The following SNX9 variants were observed in gnomAD, a reference collection of about 807,000 sequenced individuals.
SNX9 encodes sorting nexin 9.
In SNX9, 44 loss-of-function variants were observed where a neutral mutation model predicts 89.4. The observed-to-expected ratio is 0.49, with a 90% CI of 0.39 to 0.63. SNX9 has a LOEUF of 0.63. SNX9 is among the 30% of genes least tolerant of loss of function. The pLI, the probability that SNX9 is intolerant of heterozygous loss-of-function variation, is 0.00. For synonymous variants in SNX9, 236 were observed against 247.8 expected, an observed-to-expected ratio of 0.95 and a Z score of 0.45; for missense variants, 578 against 736.1, an observed-to-expected ratio of 0.79 and a Z score of 2.49.
In SNX9 at chr6:157,944,276, AAATCAAATG is replaced by A. The variant is rs1165109884; in HGVS notation, c.*1442_*1450del. ...AAATGACACCAAAAATAAGTAGATGAAATCAAATGAATATGAGAACATCTTGTTCTTCAA... is the reference window on the plus strand; with the variant it reads ...AAATGACACCAAAAATAAGTAGATGAAATATGAGAACATCTTGTTCTTCAA... On this transcript the variant is annotated 3_prime_UTR_variant, in exon 18 of 18. Transcript: ENST00000392185. The A allele has an allele frequency of 2.0e-5, 3 of 152,648 alleles. No individual in the cohort carries two copies. In the East Asian group the frequency reaches 5.8e-4, roughly 29 times the overall value. 9.5% of individuals were successfully genotyped at this position (152,648 alleles called of 1,614,324 possible). A position where few individuals can be genotyped will look rare whatever the true frequency, so the allele number is the denominator to read the frequency against.
At chr6:157,935,914 AAAG>A (rs1783914164) in intron 13 of SNX9, 47 bp from the exon 14 acceptor site, 2 of 1,342,698 alleles carry the variant, frequency 1.5e-6, no homozygotes, top group Non-Finnish European at 2.0e-6. Flanking sequence ...TAACAAGTGA[AAAG>A]AAAATATGCA....
chr6:157,839,556 A>G (rs957668530), intron 1 of SNX9, among the ~76,000 whole-genome samples: 1 of 152,254 alleles, frequency 6.6e-6, no homozygotes, highest in African/African-American at 2.4e-5. Context: ...TCAGGTGTGA[A>G]TTCCATTGCA....
chr6:157,903,251 C>T (rs570631918), intron 6 of SNX9, among the ~76,000 whole-genome samples: 97 of 152,030 alleles, frequency 6.4e-4, no homozygotes, highest in African/African-American at 2.1e-3. Flanking sequence ...TAATCTGTGT[C>T]TGGAAAAATT....
chr6:157,896,903 G>C lies in SNX9; in HGVS notation c.377G>C (p.Gly126Ala). ...SGNWESSEGWGAQPEGAGAQR... is the reference protein window; with the variant it reads ...SGNWESSEGWAAQPEGAGAQR... ...AACTGGGAAAGCTCAGAAGGCTGGGGGGCCCAGCCAGAGGGGGCTGGAGCC... is the reference window on the plus strand; with the variant it reads ...AACTGGGAAAGCTCAGAAGGCTGGGCGGCCCAGCCAGAGGGGGCTGGAGCC... The change falls in exon 5 of 18, where the codon GGG becomes GCG. Residue 126 changes from glycine to alanine, a missense_variant. This residue lies in a region of SNX9 where 230 missense variants were observed against 244.7 expected (regional missense o/e 0.94). Coordinates refer to ENST00000392185, the MANE Select transcript of SNX9 (RefSeq NM_016224.5). 1 of 1,613,488 alleles carries C rather than the reference G, an allele frequency of 6.2e-7. No individual in the cohort carries two copies. Among genetic ancestry groups the C allele is most frequent in the Admixed American group, 1.7e-5 (1 of 59,786 alleles).
intron 4 of SNX9, among the ~76,000 whole-genome samples, chr6:157,882,052 A>G (rs1175792747): frequency 6.6e-6 from 1 of 152,240 alleles, no homozygotes; most frequent in African/African-American, 2.4e-5. Flanking sequence ...AGGGGAAGCC[A>G]GTGCCTGCTT....
chr6:157,886,326 A>G (rs1782735677), intron 4 of SNX9, among the ~76,000 whole-genome samples: 5 of 152,204 alleles, frequency 3.3e-5, no homozygotes, highest in Admixed American at 3.3e-4. Flanking sequence ...AGAAACTACT[A>G]TTTTTGTGGT....
intron 1 of SNX9, among the ~76,000 whole-genome samples, chr6:157,845,409 C>T (rs1172809388): frequency 6.6e-6 from 1 of 152,164 alleles, no homozygotes; most frequent in Non-Finnish European, 1.5e-5. Context: ...CCGTGCCCGG[C>T]CCCATTTGTC....
At chr6:157,932,171 C>A in intron 12 of SNX9, 24 bp from the exon 13 acceptor site, 2 of 1,604,664 alleles carry the variant, frequency 1.2e-6, no homozygotes, top group African/African-American at 1.3e-5. Flanking sequence ...GAAGACTAAT[C>A]GTTTATTCCT....
chr6:157,923,983 A>C (rs117721194), intron 10 of SNX9, among the ~76,000 whole-genome samples: 3,268 of 152,272 alleles, frequency 0.021, 53 homozygotes, highest in Non-Finnish European at 0.035. Flanking sequence ...GGATCACTTG[A>C]GGTCAAGAGT....
At chr6:157,879,108 A>C (rs1270172092) in intron 4 of SNX9, among the ~76,000 whole-genome samples, 1 of 152,208 alleles carries the variant, frequency 6.6e-6, no homozygotes, top group African/African-American at 2.4e-5. Flanking sequence ...CTGGTTCGGT[A>C]ATGTATATGA....
chr6:157,934,592 A>G (rs1402634048), intron 13 of SNX9, among the ~76,000 whole-genome samples: 1 of 152,200 alleles, frequency 6.6e-6, no homozygotes, highest in Non-Finnish European at 1.5e-5. Context: ...TTTTCACTAA[A>G]CATGTAGTCA....
At chr6:157,859,652 A>T (rs983278069) in intron 1 of SNX9, among the ~76,000 whole-genome samples, 22 of 152,198 alleles carry the variant, frequency 1.4e-4, no homozygotes, top group African/African-American at 5.1e-4. Context: ...GGCCGTGGGG[A>T]TCTGGCAATG....
rs1169120187 is a variant in SNX9, at chr6:157,932,265, C to A, written c.1359C>A (p.Gly453=). 1.9e-6 allele frequency: 3 copies of A among 1,613,910 alleles called. No homozygotes were observed. The East Asian group carries it at 6.7e-5, about 36-fold the overall frequency. Residue 453 remains glycine, a synonymous_variant, in exon 13 of 18, where the codon GGC becomes GGA. Transcript: ENST00000392185. ...TGGCCACAGTGTTCAGTTCCAGTGG[C>A]TATCAAGGTGCGTCTTTCTTCATTC... ...QSLATVFSSS[G]YQGETDLNDA...
At chr6:157,915,640 A>AATATATAT (rs1411739606) in intron 9 of SNX9, among the ~76,000 whole-genome samples, 2 of 95,152 alleles carry the variant, frequency 2.1e-5, no homozygotes, top group African/African-American at 9.3e-5. Context: ...AAAAAAAAAA[A>AATATATAT]ATATATATAT....
At chr6:157,883,869 T>C (rs1347186222) in intron 4 of SNX9, among the ~76,000 whole-genome samples, 1 of 152,252 alleles carries the variant, frequency 6.6e-6, no homozygotes, top group East Asian at 1.9e-4. Flanking sequence ...ATATTGCTTA[T>C]TTGTAAATTG....
chr6:157,890,302 A>C (rs1345392184), intron 4 of SNX9, among the ~76,000 whole-genome samples: 1 of 152,158 alleles, frequency 6.6e-6, no homozygotes, highest in African/African-American at 2.4e-5. Flanking sequence ...TCTGTGGTCC[A>C]GTGGCTCTGC....
intron 1 of SNX9, among the ~76,000 whole-genome samples, chr6:157,854,235 A>G (rs941846442): frequency 6.6e-6 from 1 of 152,216 alleles, no homozygotes. Flanking sequence ...CAGTTTTACA[A>G]TTGGGAAAAG....
chr6:157,933,535 C>G (rs551431109), intron 13 of SNX9, among the ~76,000 whole-genome samples: 2 of 152,326 alleles, frequency 1.3e-5, no homozygotes, highest in African/African-American at 4.8e-5. Flanking sequence ...CTTACCATGT[C>G]TTACAGTTGA....
At chr6:157,896,764 T>C in intron 4 of SNX9, 63 bp from the exon 5 acceptor site, 1 of 1,565,326 alleles carries the variant, frequency 6.4e-7, no homozygotes, top group Non-Finnish European at 8.8e-7. Flanking sequence ...CAGTTCATTA[T>C]TGAATTGAGT....
Sources: gnomAD v4.1 joint callset for allele counts (sites outside exome capture counted in the v4.1 genomes callset) on GRCh38, gnomAD v4.1.1 for gene constraint, gnomAD v4.1.1 regional missense constraint, MANE v1.5 for transcripts, NCBI Gene and HGNC (gene_info 2026-07-23, HGNC 2026-07-21) for gene names.